Variants in SH3RF2 observed in about 807,000 individuals in gnomAD.
SH3RF2 encodes SH3 domain containing ring finger 2.
Under a neutral mutation model 59.0 loss-of-function variants are expected in SH3RF2, and 43 were observed. The observed-to-expected ratio is 0.73, with a 90% CI of 0.57 to 0.94. The LOEUF is 0.94. Among genes scored for constraint, SH3RF2 ranks in the 40% least tolerant of loss-of-function variants. SH3RF2 has a pLI of 0.00. For synonymous variants in SH3RF2, 391 were observed against 391.5 expected (o/e 1.00, Z 0.01); for missense variants, 930 against 940.1 (o/e 0.99, Z 0.14).
downstream of SH3RF2, among the ~76,000 whole-genome samples, chr5:146,067,411 C>T (rs1486071545): frequency 2.0e-5 from 3 of 152,322 alleles, no homozygotes; most frequent in African/African-American, 4.8e-5. Flanking sequence ...GGCACATTCC[C>T]TCCAGAGACT....
chr5:146,007,608 G>T (rs1760701382), intron 4 of SH3RF2, among the ~76,000 whole-genome samples: 2 of 152,082 alleles, frequency 1.3e-5, no homozygotes, highest in African/African-American at 4.8e-5. Context: ...GGGCTGGGGG[G>T]GAAGGCACCA....
chr5:145,961,437 G>A (rs889221601), intron 2 of SH3RF2, among the ~76,000 whole-genome samples: 5 of 152,142 alleles, frequency 3.3e-5, no homozygotes, highest in African/African-American at 4.8e-5. Context: ...TTTCAGATAT[G>A]AATAAAGTGA....
chr5:146,010,985 T>C (rs1222933458), intron 4 of SH3RF2, among the ~76,000 whole-genome samples: 1 of 152,046 alleles, frequency 6.6e-6, no homozygotes, highest in African/African-American at 2.4e-5. Flanking sequence ...ATTGCCTAGG[T>C]TTTCTTCTAG....
chr5:146,013,355 G>T (rs1760982023), intron 4 of SH3RF2, among the ~76,000 whole-genome samples: 1 of 152,146 alleles, frequency 6.6e-6, no homozygotes, highest in Non-Finnish European at 1.5e-5. Context: ...AAGGACAAGT[G>T]GCCAACCCAG....
intron 3 of SH3RF2, among the ~76,000 whole-genome samples, chr5:146,002,535 A>AGGAAGGAAGGAT (rs1405378041): frequency 7.0e-6 from 1 of 143,254 alleles, no homozygotes; most frequent in Non-Finnish European, 1.5e-5. Context: ...GAAGGAAGGA[A>AGGAAGGAAGGAT]GGATAACCTA....
chr5:146,000,342 G>T lies in SH3RF2; in HGVS notation c.648+15G>T, dbSNP rs753654944. The T allele has an allele frequency of 6.2e-7, 1 of 1,608,514 alleles. No homozygotes were observed. Among genetic ancestry groups the T allele is most frequent in the South Asian group, 1.1e-5 (1 of 90,028 alleles). On this transcript the variant is annotated intron_variant, in intron 3 of 9. Transcript: ENST00000359120. ...CCTTCCTCAAGGTAGGATTCTGGGT[G>T]GCCACCAGAGTCACCTGGGACCACG...
chr5:146,033,502 C>A (rs1761817254), intron 5 of SH3RF2, among the ~76,000 whole-genome samples: 1 of 100,452 alleles, frequency 1.0e-5, no homozygotes. Context: ...TGGAGTTTCA[C>A]TCTTGTTGCC....
intron 2 of SH3RF2, among the ~76,000 whole-genome samples, chr5:145,996,615 C>T (rs1408237342): frequency 6.6e-6 from 1 of 152,046 alleles, no homozygotes; most frequent in Non-Finnish European, 1.5e-5. Flanking sequence ...TAAATGAATA[C>T]AGTTTAAGAA....
chr5:145,997,183 A>G, intron 2 of SH3RF2: 3 of 755,622 alleles, frequency 4.0e-6, no homozygotes, highest in East Asian at 2.4e-5. Context: ...AGCATTTACC[A>G]TTGTCAATGT....
chr5:145,985,673 T>C (rs6869971), intron 2 of SH3RF2, among the ~76,000 whole-genome samples: 19,433 of 152,240 alleles, frequency 0.13, 1,402 homozygotes, highest in East Asian at 0.26. Flanking sequence ...CACCTCTATT[T>C]CTGATGTATT....
At chr5:146,018,784 C>T (rs1761202814) in intron 5 of SH3RF2, among the ~76,000 whole-genome samples, 1 of 152,114 alleles carries the variant, frequency 6.6e-6, no homozygotes, top group Non-Finnish European at 1.5e-5. Context: ...CACATCCATG[C>T]CCACATCGAC....
intron 9 of SH3RF2, among the ~76,000 whole-genome samples, chr5:146,070,208 A>G (rs1430979738): frequency 6.6e-6 from 1 of 152,196 alleles, no homozygotes; most frequent in African/African-American, 2.4e-5. Flanking sequence ...CCAGGACTCT[A>G]AGCCAAAACC....
intron 2 of SH3RF2, among the ~76,000 whole-genome samples, chr5:145,939,055 A>T (rs1757708866): frequency 6.6e-6 from 1 of 152,222 alleles, no homozygotes; most frequent in African/African-American, 2.4e-5. Flanking sequence ...GGATAATGGG[A>T]ATCGCTCTGT....
At chr5:145,955,284 T>C (rs1758349669) in intron 2 of SH3RF2, among the ~76,000 whole-genome samples, 1 of 152,196 alleles carries the variant, frequency 6.6e-6, no homozygotes, top group Non-Finnish European at 1.5e-5. Flanking sequence ...GCCATCATCC[T>C]AAGTGAATTA....
intron 5 of SH3RF2, among the ~76,000 whole-genome samples, chr5:146,032,784 C>A (rs1460424903): frequency 6.6e-6 from 1 of 152,204 alleles, no homozygotes. Context: ...TCTTCTCAGG[C>A]GTCTTTGCAG....
At chr5:146,011,054 G>A (rs1009247636) in intron 4 of SH3RF2, among the ~76,000 whole-genome samples, 4 of 152,106 alleles carry the variant, frequency 2.6e-5, no homozygotes, top group African/African-American at 7.2e-5. Context: ...ATTGATTTTT[G>A]TATAAGGTGT....
intron 2 of SH3RF2, among the ~76,000 whole-genome samples, chr5:145,954,623 T>C (rs1758322908): frequency 6.6e-6 from 1 of 152,230 alleles, no homozygotes; most frequent in Non-Finnish European, 1.5e-5. Flanking sequence ...ATGAAATCTT[T>C]GCCCGTTCCT....
chr5:145,997,649 A>T (rs1017869376), intron 2 of SH3RF2: 1 of 1,574,076 alleles, frequency 6.4e-7, no homozygotes, highest in Non-Finnish European at 8.7e-7. Context: ...CTTTATGAGC[A>T]ACTGTTTGCT....
Position 145,963,802 on chromosome 5 carries a change from T to TTTTC in SH3RF2, c.378+25516_378+25519dup, listed in dbSNP as rs1056458806. Among the ~76,000 whole-genome samples the TTTTC allele has an allele frequency of 2.5e-3, 372 of 151,660 alleles. 2 individuals carry two copies. The highest frequency in any genetic ancestry group is 7.6e-3 in the African/African-American group (315 of 41,372). ...ATTTCTTGGAGTTTCCCTTAATAGTTTTTCTTTCTTTCTTTCTTTCTTTTT... is the reference window on the plus strand; with the variant it reads ...ATTTCTTGGAGTTTCCCTTAATAGTTTTTCTTTCTTTCTTTCTTTCTTTCTTTTT... On this transcript the variant is annotated intron_variant, in intron 2 of 9. Coordinates refer to ENST00000359120, the MANE Select transcript of SH3RF2 (RefSeq NM_152550.4).
Sources: gnomAD v4.1 joint callset for allele counts (sites outside exome capture counted in the v4.1 genomes callset) on GRCh38, gnomAD v4.1.1 for gene constraint, MANE v1.5 for transcripts, NCBI Gene and HGNC (gene_info 2026-07-23, HGNC 2026-07-21) for gene names.